Variants in NFIL3 observed in about 807,000 individuals in gnomAD.
NFIL3 encodes nuclear factor interleukin-3-regulated protein.
NFIL3 carries 5 observed loss-of-function variants against 10.0 expected under a neutral mutation model. That is an observed-to-expected ratio of 0.50 (90% CI 0.26 to 1.06). The LOEUF (loss-of-function observed/expected upper bound fraction) is 1.06. NFIL3 is among the 50% of genes least tolerant of loss of function. The probability of loss-of-function intolerance (pLI) is 0.13; values close to 1 mark genes in which losing one functional copy is unlikely to be tolerated. For missense variants in NFIL3, 436 were observed against 547.6 expected (o/e 0.80, Z 2.03); for synonymous variants, 202 against 206.5 (o/e 0.98, Z 0.19).
chr9:91,415,154 G>A (rs959485574), intron 1 of NFIL3, among the ~76,000 whole-genome samples: 4 of 152,116 alleles, frequency 2.6e-5, no homozygotes, highest in Admixed American at 2.0e-4. Flanking sequence ...GAGACCAGGC[G>A]CTCAGTCGTG....
chr9:91,470,124 A>G, the NFIL3 span, among the ~76,000 whole-genome samples: 1 of 152,076 alleles, frequency 6.6e-6, no homozygotes, highest in Non-Finnish European at 1.5e-5. Context: ...TCCTTTTTGT[A>G]CCTCTGGCAG....
chr9:91,440,563 C>T, the NFIL3 span, among the ~76,000 whole-genome samples: 2 of 151,470 alleles, frequency 1.3e-5, no homozygotes, highest in Admixed American at 6.6e-5. Context: ...TTAGTTTGTT[C>T]TTCTTTTTCT....
chr9:91,449,608 A>G, the NFIL3 span, among the ~76,000 whole-genome samples: 1 of 152,040 alleles, frequency 6.6e-6, no homozygotes, highest in Non-Finnish European at 1.5e-5. Context: ...TTAGTTTGCT[A>G]GGATTTTGTT....
At chr9:91,435,265 C>A in the NFIL3 span, among the ~76,000 whole-genome samples, 1 of 152,130 alleles carries the variant, frequency 6.6e-6, no homozygotes, top group Non-Finnish European at 1.5e-5. Flanking sequence ...CTGACTTATA[C>A]AATAATACAA....
chr9:91,476,389 A>G, the NFIL3 span, among the ~76,000 whole-genome samples: 1 of 152,164 alleles, frequency 6.6e-6, no homozygotes, highest in East Asian at 1.9e-4. Flanking sequence ...CCTGACCAAC[A>G]TGGCAAAACC....
chr9:91,444,712 A>G, the NFIL3 span, among the ~76,000 whole-genome samples: 2 of 152,084 alleles, frequency 1.3e-5, no homozygotes, highest in Admixed American at 1.3e-4. Flanking sequence ...AACATCAGCA[A>G]TGACTGTGGG....
At chr9:91,468,407 G>A in the NFIL3 span, among the ~76,000 whole-genome samples, 1 of 152,098 alleles carries the variant, frequency 6.6e-6, no homozygotes, top group Non-Finnish European at 1.5e-5. Flanking sequence ...TTGTAAATTT[G>A]TTTGAGTTCT....
At chr9:91,448,363 G>A in the NFIL3 span, among the ~76,000 whole-genome samples, 7 of 152,144 alleles carry the variant, frequency 4.6e-5, no homozygotes, top group South Asian at 2.1e-4. Flanking sequence ...AAGCAGAAGC[G>A]GAGTACGTGC....
chr9:91,476,443 C>T, the NFIL3 span, among the ~76,000 whole-genome samples: 1 of 151,970 alleles, frequency 6.6e-6, no homozygotes, highest in Non-Finnish European at 1.5e-5. Flanking sequence ...TGTGGTGGCA[C>T]GCACCTGTAA....
intron 1 of NFIL3, among the ~76,000 whole-genome samples, chr9:91,420,352 TACACACACACACACACACAC>T (rs144270881): frequency 1.4e-5 from 2 of 144,394 alleles, no homozygotes; most frequent in African/African-American, 2.5e-5. Context: ...TGAAGGTAAA[TACACACACACACACACACAC>T]ACACACACAC....
rs1168616978 is a variant in NFIL3 at position 91,410,110 on chromosome 9, T to C, written c.625A>G (p.Arg209Gly). 2 of 1,614,004 alleles carry C rather than the reference T, an allele frequency of 1.2e-6. No homozygotes were observed. Among genetic ancestry groups the C allele is most frequent in the East Asian group, 2.2e-5 (1 of 44,898 alleles). Reference sequence around the variant, plus strand: ...ATCTGGAACTTGTTTTCAGGACTTCTGCAGCTTCCCTGCACAGAGCTCTCC... The same window carrying C: ...ATCTGGAACTTGTTTTCAGGACTTCCGCAGCTTCCCTGCACAGAGCTCTCC... ...TQESSVQGSCRSPENKFQIIK... is the reference protein window; with the variant it reads ...TQESSVQGSCGSPENKFQIIK... The change falls in exon 2 of 2, where the codon AGA (arginine) becomes GGA (glycine). Residue 209 changes from arginine (R) to glycine (G), a missense_variant. Around this residue, in one of 3 missense-constraint regions of NFIL3, gnomAD observed 338 missense variants for 399.9 expected, o/e 0.85. Coordinates refer to ENST00000297689, the MANE Select transcript of NFIL3 (RefSeq NM_005384.3). The surrounding 1 kb of genome is among the most constrained non-coding windows in gnomAD (Gnocchi z 5.7).
At chr9:91,438,920 T>A in the NFIL3 span, among the ~76,000 whole-genome samples, 2 of 152,216 alleles carry the variant, frequency 1.3e-5, no homozygotes, top group African/African-American at 4.8e-5. Flanking sequence ...ATGAGTTTGA[T>A]TATTATAGCT....
At chr9:91,452,499 G>A in the NFIL3 span, among the ~76,000 whole-genome samples, 2 of 152,184 alleles carry the variant, frequency 1.3e-5, no homozygotes, top group Non-Finnish European at 2.9e-5. Context: ...GCTAGGCCAG[G>A]TGCGGTGGCT....
chr9:91,457,261 T>G, the NFIL3 span, among the ~76,000 whole-genome samples: 12 of 152,196 alleles, frequency 7.9e-5, no homozygotes, highest in African/African-American at 2.9e-4. Context: ...AAAAAAAACT[T>G]TCTGGAATTT....
At chr9:91,440,078 A>T in the NFIL3 span, among the ~76,000 whole-genome samples, 1 of 152,104 alleles carries the variant, frequency 6.6e-6, no homozygotes, top group Admixed American at 6.5e-5. Flanking sequence ...GGAAGAGTTT[A>T]GGAAGTATTG....
In NFIL3 at chr9:91,409,279, A is replaced by C; in HGVS notation, c.*67T>G. 1 of 1,445,552 alleles carries C rather than the reference A, an allele frequency of 6.9e-7. No homozygotes were observed. The allele number at this position is 1,445,552 out of a possible 1,614,324, so 89.5% of individuals were successfully genotyped here. Reference sequence around the variant, plus strand: ...ACAGGTCCAGTGAAAATTCAGCATAATACAAAATGGACTGCTCTATTGCAA... The same window carrying C: ...ACAGGTCCAGTGAAAATTCAGCATACTACAAAATGGACTGCTCTATTGCAA... On this transcript the variant is annotated 3_prime_UTR_variant, in exon 2 of 2. Coordinates refer to ENST00000297689, the MANE Select transcript of NFIL3 (RefSeq NM_005384.3).
Position 91,409,191 on chromosome 9 carries a change from C to A in NFIL3, c.*155G>T. 1.5e-6 allele frequency: 1 copy of A among 675,350 alleles called. No homozygotes were observed. Among genetic ancestry groups the A allele is most frequent in the Non-Finnish European group, 2.4e-6 (1 of 413,890 alleles). 41.8% of individuals were successfully genotyped at this position (675,350 alleles called of 1,614,324 possible). A position where few individuals can be genotyped will look rare whatever the true frequency, so the allele number is the denominator to read the frequency against. ...AGTGATAACACAATCTAATCTTCAT[C>A]ATAATCTGTGCACAAAAAGACACCA... On this transcript the variant is annotated 3_prime_UTR_variant, in exon 2 of 2. Transcript: ENST00000297689.
At chr9:91,417,256 T>C (rs931948903) in intron 1 of NFIL3, among the ~76,000 whole-genome samples, 3 of 152,166 alleles carry the variant, frequency 2.0e-5, no homozygotes, top group African/African-American at 7.2e-5. Context: ...TGTATTGTTT[T>C]CTCCCTGTTA....
Position 91,409,538 on chromosome 9 carries a change from A to T in NFIL3, c.1197T>A (p.His399Gln). The T allele has an allele frequency of 6.2e-7, 1 of 1,613,642 alleles. No homozygotes were observed. Among genetic ancestry groups the T allele is most frequent in the Non-Finnish European group, 8.5e-7 (1 of 1,179,810 alleles). Residue 399 changes from histidine (H) to glutamine (Q), a missense_variant, in exon 2 of 2, where the codon CAT becomes CAA. Around this residue, in one of 3 missense-constraint regions of NFIL3, gnomAD observed 338 missense variants for 399.9 expected, o/e 0.85. Transcript: ENST00000297689. Reference protein sequence around the residue: ...QDWSLKSEHWHQKELSGKTQN... With the variant: ...QDWSLKSEHWQQKELSGKTQN... ...GAGTTTTGCCACTCAGTTCTTTTTGATGCCAGTGCTCCGATTTGAGAGACC... is the reference window on the plus strand; with the variant it reads ...GAGTTTTGCCACTCAGTTCTTTTTGTTGCCAGTGCTCCGATTTGAGAGACC...
Sources: gnomAD v4.1 joint callset for allele counts (sites outside exome capture counted in the v4.1 genomes callset) on GRCh38, gnomAD v4.1.1 for gene constraint, gnomAD v4.1.1 regional missense constraint, Gnocchi (gnomAD v3.1) non-coding constraint, MANE v1.5 for transcripts, NCBI Gene and HGNC (gene_info 2026-07-23, HGNC 2026-07-21) for gene names.